ZNF273: variants seen among roughly 807,000 people sequenced by gnomAD.
The protein encoded by ZNF273 is zinc finger protein 9.
Under a neutral mutation model 14.9 loss-of-function variants are expected in ZNF273, and 11 were observed. The ratio of observed to expected loss-of-function variants is 0.74; its 90% CI spans 0.46 to 1.22. The LOEUF is 1.22. Ranked by LOEUF, ZNF273 falls within the 50% of genes most tolerant of loss-of-function variation. The pLI, the probability that ZNF273 is intolerant of heterozygous loss-of-function variation, is 0.00. For missense variants in ZNF273, 577 were observed against 660.6 expected, an observed-to-expected ratio of 0.87 and a Z score of 1.39; for synonymous variants, 199 against 223.9, an observed-to-expected ratio of 0.89 and a Z score of 0.99.
At chr7:64,907,793 C>T (rs1793222254) in intron 1 of ZNF273, among the ~76,000 whole-genome samples, 1 of 152,196 alleles carries the variant, frequency 6.6e-6, no homozygotes, top group Non-Finnish European at 1.5e-5. Context: ...CTCCTGTACA[C>T]AGACTGTCAC....
intron 1 of ZNF273, among the ~76,000 whole-genome samples, chr7:64,886,395 G>A (rs78087091): frequency 0.023 from 3,533 of 152,340 alleles, 84 homozygotes; most frequent in Middle Eastern, 0.065. Context: ...CATCTGGAAA[G>A]TAAGATAAGT....
Position 64,928,585 on chromosome 7 carries a change from A to G in ZNF273, c.1257A>G (p.Lys419=), listed in dbSNP as rs762098069. 6.2e-7 allele frequency: 1 copy of G among 1,613,504 alleles called. No individual in the cohort carries two copies. Among genetic ancestry groups the G allele is most frequent in the African/African-American group, 1.3e-5 (1 of 74,872 alleles). ...TTAAACGGTCCACAACTCTTACTAA[A>G]CATAAGAGAATTTATACTAAAGAGA... ...KAFKRSTTLT[K]HKRIYTKEKP... is the part of the protein sequence containing the mutation. The change falls in exon 4 of 4, where the codon AAA becomes AAG. Residue 419 remains lysine, a synonymous_variant. Transcript: ENST00000476120.
rs1185056858 is a variant in ZNF273 at position 64,928,497 on chromosome 7, C to T, written c.1169C>T (p.Thr390Ile). 1.2e-6 allele frequency: 2 copies of T among 1,613,754 alleles called. No homozygotes were observed. Among genetic ancestry groups the T allele is most frequent in the Admixed American group, 1.7e-5 (1 of 60,004 alleles). Residue 390 changes from threonine to isoleucine, a missense_variant, in exon 4 of 4, where the codon ACT becomes ATT. Transcript: ENST00000476120. ...GCTTTTAACCAGTCCTCAACCCTTA[C>T]TAGACATAAGATAGTTCATACTGGA... ...GKAFNQSSTL[T>I]RHKIVHTGEK...
At chr7:64,927,422 A>G (rs926092804) in intron 3 of ZNF273, among the ~76,000 whole-genome samples, 2 of 152,216 alleles carry the variant, frequency 1.3e-5, no homozygotes, top group Non-Finnish European at 2.9e-5. Flanking sequence ...GGCTCTTTGC[A>G]TTGTGCTTAC....
downstream of ZNF273, chr7:64,889,516 C>G: frequency 2.0e-6 from 2 of 985,868 alleles, no homozygotes; most frequent in Non-Finnish European, 2.4e-6. The surrounding 1 kb of genome is among the most constrained non-coding windows in gnomAD (Gnocchi z 4.2). Flanking sequence ...GCCCTGGTTC[C>G]TGGCAGCTCC....
At chr7:64,899,948 C>T (rs1329721298), upstream of ZNF273, among the ~76,000 whole-genome samples, 12 of 151,760 alleles carry the variant, frequency 7.9e-5, no homozygotes, top group Admixed American at 3.9e-4. Context: ...TTAGTAGAGA[C>T]GGGGTTTCTC....
downstream of ZNF273, among the ~76,000 whole-genome samples, chr7:64,892,660 C>T (rs1792106806): frequency 6.6e-6 from 1 of 152,066 alleles, no homozygotes; most frequent in Non-Finnish European, 1.5e-5. Flanking sequence ...AGAGGGGTCC[C>T]AAATGGGCTG....
At chr7:64,906,859 A>G (rs1175687945) in intron 1 of ZNF273, among the ~76,000 whole-genome samples, 3 of 152,240 alleles carry the variant, frequency 2.0e-5, no homozygotes, top group African/African-American at 7.2e-5. Flanking sequence ...TTGAATTCCA[A>G]AAGAGTGTTG....
downstream of ZNF273, among the ~76,000 whole-genome samples, chr7:64,881,844 G>T (rs10256702): frequency 0.042 from 6,387 of 152,280 alleles, 158 homozygotes; most frequent in Middle Eastern, 0.082. Flanking sequence ...TCTGCCAGGC[G>T]AGTCTTGATT....
chr7:64,885,373 G>A (rs543319679), intron 1 of ZNF273, among the ~76,000 whole-genome samples: 75 of 152,196 alleles, frequency 4.9e-4, no homozygotes, highest in Non-Finnish European at 9.3e-4. Context: ...AAACAGAAAA[G>A]GTTATTCCAG....
At chr7:64,913,067 G>T (rs1348010913) in intron 1 of ZNF273, among the ~76,000 whole-genome samples, 3 of 151,778 alleles carry the variant, frequency 2.0e-5, no homozygotes, top group African/African-American at 7.3e-5. Flanking sequence ...GACCTCAGGT[G>T]ATCTATCCAC....
In ZNF273 at chr7:64,927,660, G is replaced by A. The variant is rs1016667617; in HGVS notation, c.332G>A (p.Cys111Tyr). The A allele has an allele frequency of 1.9e-5, 29 of 1,564,016 alleles. No homozygotes were observed. Among genetic ancestry groups the A allele is most frequent in the Admixed American group, 8.2e-5 (4 of 49,030 alleles). Residue 111 changes from cysteine (C) to tyrosine (Y), a missense_variant, in exon 4 of 4, where the codon TGT becomes TAT. This residue lies in a region of ZNF273 where 162 missense variants were observed against 203.5 expected (regional missense o/e 0.80). Transcript: ENST00000476120. The part of the protein sequence containing the change: ...HAMVAKPPVV[C>Y]SHFAQDLWPK... Reference sequence around the variant, plus strand: ...TTACTTTTATTTCTTTCAGTTGTGTGTTCTCATTTTGCCCAAGACCTTTGG... The same window carrying A: ...TTACTTTTATTTCTTTCAGTTGTGTATTCTCATTTTGCCCAAGACCTTTGG...
At chr7:64,921,633 TTTTTGTG>T in intron 3 of ZNF273, among the ~76,000 whole-genome samples, 2 of 32,986 alleles carry the variant, frequency 6.1e-5, no homozygotes, top group Non-Finnish European at 1.2e-4. Context: ...TTTTTTTTTT[TTTTTGTG>T]TGTGAGACAG....
downstream of ZNF273, among the ~76,000 whole-genome samples, chr7:64,883,607 C>G (rs7788090): frequency 1.3e-5 from 2 of 152,306 alleles, no homozygotes; most frequent in African/African-American, 2.4e-5. Context: ...GCCGTCCACA[C>G]CATGGCCCGG....
At chr7:64,936,932 T>G in the ZNF273 span, among the ~76,000 whole-genome samples, 1 of 152,220 alleles carries the variant, frequency 6.6e-6, no homozygotes, top group African/African-American at 2.4e-5. Context: ...AATGCAATTT[T>G]TAATAAAAAG....
chr7:64,898,257 C>T (rs1792480341), upstream of ZNF273, among the ~76,000 whole-genome samples: 1 of 152,136 alleles, frequency 6.6e-6, no homozygotes, highest in South Asian at 2.1e-4. Context: ...CCTTTCTTCT[C>T]TATTTCAACA....
chr7:64,897,542 G>A (rs1173912765), exon 4 of ZNF273: 1 of 151,800 alleles, frequency 6.6e-6, no homozygotes, highest in Non-Finnish European at 1.5e-5. Context: ...TGGCCAGCAT[G>A]GTCTCGATCT....
At chr7:64,908,952 C>T (rs942637787) in intron 1 of ZNF273, among the ~76,000 whole-genome samples, 6 of 152,042 alleles carry the variant, frequency 3.9e-5, no homozygotes, top group Non-Finnish European at 8.8e-5. Context: ...TTCTATTGCC[C>T]AGGCTGGAGT....
intron 3 of ZNF273, among the ~76,000 whole-genome samples, chr7:64,922,118 C>CTTT (rs199922439): frequency 4.3e-5 from 6 of 138,308 alleles, no homozygotes; most frequent in East Asian, 2.1e-4. Flanking sequence ...ATTCTATTTC[C>CTTT]TTTTTTTTTT....
Sources: allele counts gnomAD v4.1 joint callset (sites outside exome capture counted in the v4.1 genomes callset), GRCh38; gene constraint gnomAD v4.1.1; regional missense constraint gnomAD v4.1.1; non-coding constraint Gnocchi (gnomAD v3.1); transcripts MANE v1.5; gene names NCBI Gene and HGNC (gene_info 2026-07-23, HGNC 2026-07-21).